Variants in GALNT2 observed in about 807,000 individuals in gnomAD.
GALNT2 encodes polypeptide N-acetylgalactosaminyltransferase 2.
GALNT2 carries 31 observed loss-of-function variants against 81.4 expected under a neutral mutation model. The observed-to-expected ratio is 0.38, with a 90% CI of 0.29 to 0.51. GALNT2 has a LOEUF of 0.51. GALNT2 is among the 20% of genes least tolerant of loss of function. The pLI, the probability that GALNT2 is intolerant of heterozygous loss-of-function variation, is 0.87. For missense variants in GALNT2, 629 were observed against 765.7 expected (o/e 0.82, Z 2.11); for synonymous variants, 303 against 287.4 (o/e 1.05, Z -0.55).
At chr1:230,202,129 A>G (rs1302782318) in intron 2 of GALNT2, among the ~76,000 whole-genome samples, 1 of 152,214 alleles carries the variant, frequency 6.6e-6, no homozygotes, top group African/African-American at 2.4e-5. Flanking sequence ...TCAAACAATG[A>G]ATAGCGTATC....
intron 6 of GALNT2, among the ~76,000 whole-genome samples, chr1:230,238,965 G>T (rs1278554702): frequency 6.6e-6 from 1 of 152,070 alleles, no homozygotes; most frequent in Non-Finnish European, 1.5e-5. Flanking sequence ...TCTGGACCAA[G>T]AATTTTCTTT....
chr1:230,143,618 T>A lies in GALNT2; in HGVS notation c.127-34600T>A, dbSNP rs577639028. On this transcript the variant is annotated intron_variant, in intron 1 of 15. Coordinates refer to ENST00000366672, the MANE Select transcript of GALNT2 (RefSeq NM_004481.5). ...CGGCCTGAACACTTCCTTGGTTTTT[T>A]CTTGGCTTTACGCAGCATGTTGCTT... Among the ~76,000 whole-genome samples, 5 of 152,364 alleles carry A rather than the reference T, an allele frequency of 3.3e-5. No individual in the cohort carries two copies. The South Asian group carries it at 1.0e-3, about 32-fold the overall frequency.
intron 1 of GALNT2, among the ~76,000 whole-genome samples, chr1:230,114,056 T>G (rs1660775772): frequency 6.6e-6 from 1 of 152,220 alleles, no homozygotes; most frequent in African/African-American, 2.4e-5. Flanking sequence ...GAGTCTCATT[T>G]TAAGGAAAGC....
chr1:230,156,242 AGAGTGT>A (rs1452941658), intron 1 of GALNT2, among the ~76,000 whole-genome samples: 6 of 149,912 alleles, frequency 4.0e-5, no homozygotes, highest in South Asian at 4.3e-4. Flanking sequence ...AAAGAGAGAG[AGAGTGT>A]GTGTGTGTGT....
intron 3 of GALNT2, among the ~76,000 whole-genome samples, chr1:230,211,465 G>T (rs1465801396): frequency 1.3e-5 from 2 of 152,110 alleles, no homozygotes. Context: ...AACATTTTTT[G>T]GTATCAAGGC....
chr1:230,065,899 T>A (rs545524423), upstream of GALNT2, among the ~76,000 whole-genome samples: 318 of 152,366 alleles, frequency 2.1e-3, 2 homozygotes, highest in African/African-American at 7.4e-3. Context: ...TGTCCCATTT[T>A]CTTTCAAATC....
chr1:230,274,097 C>T lies in GALNT2; in HGVS notation c.1441-348C>T, dbSNP rs533278321. Among the ~76,000 whole-genome samples, 3 of 152,330 alleles carry T rather than the reference C, an allele frequency of 2.0e-5. No individual in the cohort carries two copies. In the South Asian group the frequency reaches 6.2e-4, roughly 32 times the overall value. ...ACCTGGTGTATAACCAAGCTTGTGC[C>T]ACAGTTTTTACAGCTCACATTGAAT... On this transcript the variant is annotated intron_variant, in intron 14 of 15. Transcript: ENST00000366672.
intron 10 of GALNT2, among the ~76,000 whole-genome samples, chr1:230,251,228 G>A (rs996418802): frequency 1.3e-5 from 2 of 152,150 alleles, no homozygotes; most frequent in South Asian, 2.1e-4. Context: ...TTCAATTAAA[G>A]CCTTTTGTTT....
At chr1:230,226,938 T>C (rs1446136715) in intron 3 of GALNT2, among the ~76,000 whole-genome samples, 2 of 152,152 alleles carry the variant, frequency 1.3e-5, no homozygotes, top group East Asian at 3.8e-4. Context: ...AAGAAATTAA[T>C]GAACTAAAAA....
At chr1:230,079,587 G>T (rs1371320918) in intron 1 of GALNT2, among the ~76,000 whole-genome samples, 2 of 152,268 alleles carry the variant, frequency 1.3e-5, no homozygotes, top group Non-Finnish European at 2.9e-5. Context: ...CAAATAGCAG[G>T]TTTCCCTCTT....
At chr1:230,081,343 T>C (rs111902793) in intron 1 of GALNT2, among the ~76,000 whole-genome samples, 2,375 of 152,290 alleles carry the variant, frequency 0.016, 50 homozygotes, top group African/African-American at 0.049. Flanking sequence ...GGAGATTATT[T>C]CCCAATTCCA....
At chr1:230,059,166 T>C (rs1485507320) in intron 1 of GALNT2, among the ~76,000 whole-genome samples, 1 of 152,216 alleles carries the variant, frequency 6.6e-6, no homozygotes, top group Non-Finnish European at 1.5e-5. Flanking sequence ...AAAGTCACAA[T>C]GTATCATTAA....
At chr1:230,146,988 G>A (rs1009854208) in intron 1 of GALNT2, among the ~76,000 whole-genome samples, 5 of 152,346 alleles carry the variant, frequency 3.3e-5, no homozygotes, top group Non-Finnish European at 7.3e-5. Flanking sequence ...ACAGACAGGA[G>A]GCAGGTGGGC....
intron 2 of GALNT2, among the ~76,000 whole-genome samples, chr1:230,185,299 TGTGC>T (rs774794201): frequency 4.7e-4 from 55 of 116,458 alleles, no homozygotes; most frequent in African/African-American, 1.6e-3. Context: ...TGTGTGTGTG[TGTGC>T]GCGCGTGTGT....
Position 230,279,441 on chromosome 1 carries a change from C to A in GALNT2, c.1699C>A (p.Leu567Ile), listed in dbSNP as rs1302271982. ...CCTTTCGCAGCAGTGGAAGTTCACG[C>A]TCAACCTGCAGCAGTAGGAGGGTCC... ...PALSQQWKFTLNLQQ is the reference protein window; with the variant it reads ...PALSQQWKFTINLQQ Residue 567 changes from leucine (L) to isoleucine (I), a missense_variant, in exon 16 of 16, where the codon CTC becomes ATC. This residue lies in a region of GALNT2 where 207 missense variants were observed against 225.5 expected (regional missense o/e 0.92). Transcript: ENST00000366672. This position sits in a 1 kb window ranked among gnomAD's most constrained non-coding sequence, Gnocchi z 4.6. 6.2e-7 allele frequency: 1 copy of A among 1,614,044 alleles called. No individual in the cohort carries two copies. Among genetic ancestry groups the A allele is most frequent in the African/African-American group, 1.3e-5 (1 of 75,076 alleles).
At chr1:230,134,233 C>T (rs12040171) in intron 1 of GALNT2, among the ~76,000 whole-genome samples, 4,225 of 151,998 alleles carry the variant, frequency 0.028, 148 homozygotes, top group East Asian at 0.16. Flanking sequence ...CTCAGCCTCC[C>T]GAATAGCTGG....
intron 1 of GALNT2, among the ~76,000 whole-genome samples, chr1:230,153,733 G>A (rs1048044415): frequency 6.6e-6 from 1 of 152,306 alleles, no homozygotes; most frequent in African/African-American, 2.4e-5. Flanking sequence ...CAGTCTGTCT[G>A]GCCGAGGCCA....
intron 2 of GALNT2, among the ~76,000 whole-genome samples, chr1:230,192,101 G>A (rs1663545960): frequency 6.6e-6 from 1 of 152,250 alleles, no homozygotes; most frequent in Non-Finnish European, 1.5e-5. Flanking sequence ...ACTGCCACCT[G>A]AAAGGGGGCT....
intron 3 of GALNT2, among the ~76,000 whole-genome samples, chr1:230,206,181 G>A (rs996959078): frequency 1.2e-4 from 19 of 152,116 alleles, no homozygotes; most frequent in African/African-American, 4.6e-4. Flanking sequence ...AGAGAAGAAT[G>A]GTGTTCTTTC....
Sources: allele counts gnomAD v4.1 joint callset (sites outside exome capture counted in the v4.1 genomes callset), GRCh38; gene constraint gnomAD v4.1.1; regional missense constraint gnomAD v4.1.1; non-coding constraint Gnocchi (gnomAD v3.1); transcripts MANE v1.5; gene names NCBI Gene and HGNC (gene_info 2026-07-23, HGNC 2026-07-21).